FIP1L1: variants seen among roughly 807,000 people sequenced by gnomAD.
The protein encoded by FIP1L1 is pre-mRNA 3'-end-processing factor FIP1.
In FIP1L1, 21 loss-of-function variants were observed where a neutral mutation model predicts 84.6. The ratio of observed to expected loss-of-function variants is 0.25; its 90% confidence interval spans 0.18 to 0.36. FIP1L1 has a LOEUF of 0.36. Ranked by LOEUF, FIP1L1 falls within the 10% of genes least tolerant of loss-of-function variation. The pLI is 1.00. For synonymous variants in FIP1L1, 263 were observed against 242.3 expected, an observed-to-expected ratio of 1.09 and a Z score of -0.80; for missense variants, 526 against 751.1, an observed-to-expected ratio of 0.70 and a Z score of 3.50.
At chr4:53,427,056 A>G (rs1454969740) in intron 12 of FIP1L1, among the ~76,000 whole-genome samples, 1 of 152,226 alleles carries the variant, frequency 6.6e-6, no homozygotes, top group African/African-American at 2.4e-5. Flanking sequence ...AATCATTTCT[A>G]TAGTGGAAGA....
In FIP1L1 at chr4:53,391,167, T is replaced by A. The variant is rs769033257; in HGVS notation, c.636+28T>A. ...AATTAATAAATACTCCGGAATACCC[T>A]TGGCTTGTCTACCGTCCCACTTTTA... On this transcript the variant is annotated intron_variant, in intron 8 of 17. Transcript: ENST00000337488. 3 of 1,583,392 alleles carry A rather than the reference T, an allele frequency of 1.9e-6. No individual in the cohort carries two copies. The Admixed American group carries it at 5.8e-5, about 30-fold the overall frequency.
chr4:53,445,175 A>G (rs1485381067), intron 15 of FIP1L1, among the ~76,000 whole-genome samples: 4 of 152,160 alleles, frequency 2.6e-5, no homozygotes, highest in Admixed American at 6.5e-5. Context: ...GACCTTATTC[A>G]GAGGGCTGTG....
intron 5 of FIP1L1, among the ~76,000 whole-genome samples, chr4:53,389,070 G>A (rs749461072): frequency 3.3e-5 from 5 of 152,034 alleles, no homozygotes; most frequent in Non-Finnish European, 5.9e-5. Flanking sequence ...AACATAATTG[G>A]CATCCTAGAA....
intron 1 of FIP1L1, 186 bp downstream of exon 1, chr4:53,378,109 C>T (rs529097155): frequency 2.7e-5 from 13 of 489,318 alleles, no homozygotes; most frequent in South Asian, 1.2e-4. Flanking sequence ...TCCCGCCTGG[C>T]CCACGCCCAC....
chr4:53,445,995 C>T (rs1326013104), intron 15 of FIP1L1, among the ~76,000 whole-genome samples: 1 of 152,052 alleles, frequency 6.6e-6, no homozygotes, highest in Non-Finnish European at 1.5e-5. Flanking sequence ...TGAATAGACT[C>T]CGAAGGATTT....
chr4:53,382,326 A>G lies in FIP1L1; in HGVS notation c.219A>G (p.Val73=), dbSNP rs1194826119. The G allele has an allele frequency of 6.2e-7, 1 of 1,613,148 alleles. No homozygotes were observed. The highest frequency in any genetic ancestry group is 8.5e-7 in the Non-Finnish European group (1 of 1,179,182). Residue 73 remains valine (V), a synonymous_variant, in exon 4 of 18, where the codon GTA becomes GTG. Coordinates refer to ENST00000337488, the MANE Select transcript of FIP1L1 (RefSeq NM_030917.4). ...GIEDETAENG[V]PKPKVTETED... ...AAGATGAAACTGCTGAAAATGGTGTACCAAAACCGGTAACATAAGGCTTTG... is the reference window on the plus strand; with the variant it reads ...AAGATGAAACTGCTGAAAATGGTGTGCCAAAACCGGTAACATAAGGCTTTG...
chr4:53,460,701 CCA>C lies in FIP1L1; in HGVS notation c.*1256_*1257del. The stretch of plus-strand genomic sequence containing the variant: ...ATGTTGTAGAGTAATGAGAAATCCT[CCA>C]CACTGAAAAAAAACTAGTAGTTTTA... On this transcript the variant is annotated 3_prime_UTR_variant, in exon 18 of 18. Coordinates refer to ENST00000337488, the MANE Select transcript of FIP1L1 (RefSeq NM_030917.4). The C allele has an allele frequency of 3.9e-6, 2 of 514,938 alleles. No homozygotes were observed. The highest frequency in any genetic ancestry group is 6.7e-6 in the Non-Finnish European group (2 of 299,152). The allele number at this position is 514,938 out of a possible 1,614,324, so 31.9% of individuals were successfully genotyped here.
At chr4:53,427,332 A>T (rs1764725045) in intron 12 of FIP1L1, among the ~76,000 whole-genome samples, 1 of 152,108 alleles carries the variant, frequency 6.6e-6, no homozygotes, top group Admixed American at 6.6e-5. Flanking sequence ...AAAAATCCAG[A>T]TTTTGAGGTG....
rs1265653564 is a variant in FIP1L1 at position 53,390,525 on chromosome 4, A to G, written c.402A>G (p.Thr134=). ...TTTTGTAATTTTATAAAACAGGGAC[A>G]AAAGTCAAAGGAGTAGACCTTGATG... ...TGGRVYGTTG[T]KVKGVDLDAP... Residue 134 remains threonine (T), a synonymous_variant, in exon 7 of 18, where the codon ACA becomes ACG. Transcript: ENST00000337488. The G allele has an allele frequency of 2.5e-6, 4 of 1,605,306 alleles. No individual in the cohort carries two copies. Among genetic ancestry groups the G allele is most frequent in the Non-Finnish European group, 3.4e-6 (4 of 1,173,814 alleles).
rs1454698619 is a variant in FIP1L1, at chr4:53,460,637, T to A, written c.*1188T>A. 3.0e-6 allele frequency: 1 copy of A among 338,306 alleles called. No individual in the cohort carries two copies. The highest frequency in any genetic ancestry group is 2.1e-5 in the African/African-American group (1 of 46,564). 21.0% of individuals were successfully genotyped at this position (338,306 alleles called of 1,614,324 possible). On this transcript the variant is annotated 3_prime_UTR_variant, in exon 18 of 18. Transcript: ENST00000337488. The stretch of plus-strand genomic sequence containing the variant: ...AGTGGGGTATACAAATCATTTTAGT[T>A]GTTTTAGGGCTTTTTATTGAATAGA...
At position 53,434,365 on chromosome 4, in the gene FIP1L1, C is replaced by T. The variant is rs531408368; in HGVS notation, c.1174+6182C>T. 2.0e-5 allele frequency among the ~76,000 whole-genome samples: 3 copies of T among 152,128 alleles called. No homozygotes were observed. In the South Asian group the frequency reaches 6.2e-4, roughly 32 times the overall value. ...GCTTAGTAGAAAAAGCTGGTTTCTC[C>T]TGTTTGTTTTCACATTAAATCTATT... is the stretch of plus-strand genomic sequence containing the variant. On this transcript the variant is annotated intron_variant, in intron 13 of 17. Coordinates refer to ENST00000337488, the MANE Select transcript of FIP1L1 (RefSeq NM_030917.4).
chr4:53,423,099 A>T (rs1447147436), intron 11 of FIP1L1, among the ~76,000 whole-genome samples: 10 of 152,152 alleles, frequency 6.6e-5, no homozygotes, highest in South Asian at 4.1e-4. Context: ...GGGAGCCCTC[A>T]GATTCTTTCT....
intron 11 of FIP1L1, among the ~76,000 whole-genome samples, chr4:53,420,216 A>AAC (rs1560540805): frequency 6.8e-6 from 1 of 147,620 alleles, no homozygotes; most frequent in Non-Finnish European, 1.5e-5. Flanking sequence ...AAAAAAAAAA[A>AAC]AAAAAAAAAC....
intron 11 of FIP1L1, among the ~76,000 whole-genome samples, chr4:53,422,154 A>G (rs899694487): frequency 3.3e-5 from 5 of 152,144 alleles, no homozygotes; most frequent in African/African-American, 1.2e-4. Context: ...TGAGATTGCA[A>G]TCCATTAGTG....
At chr4:53,454,110 T>C (rs1717643807) in intron 16 of FIP1L1, among the ~76,000 whole-genome samples, 1 of 152,210 alleles carries the variant, frequency 6.6e-6, no homozygotes, top group Non-Finnish European at 1.5e-5. Context: ...TTTTAAAAAA[T>C]TTTCATCCTG....
chr4:53,407,951 T>A (rs1754659380), intron 10 of FIP1L1, among the ~76,000 whole-genome samples: 1 of 152,236 alleles, frequency 6.6e-6, no homozygotes, highest in South Asian at 2.1e-4. Flanking sequence ...TTTATCCAAT[T>A]TGCCAGTCTG....
chr4:53,383,100 CT>C (rs1170888409), intron 4 of FIP1L1, among the ~76,000 whole-genome samples: 1 of 150,256 alleles, frequency 6.7e-6, no homozygotes. Context: ...CTCTTAGATT[CT>C]TTTTTGCCAA....
At chr4:53,392,816 G>A (rs1744976053) in intron 9 of FIP1L1, among the ~76,000 whole-genome samples, 1 of 152,106 alleles carries the variant, frequency 6.6e-6, no homozygotes, top group Admixed American at 6.6e-5. Flanking sequence ...TTATTTTGAA[G>A]TTTCTTTTGG....
Position 53,412,739 on chromosome 4 carries a change from G to T in FIP1L1, c.816-1876G>T, listed in dbSNP as rs541587063. On this transcript the variant is annotated intron_variant, in intron 10 of 17. Transcript: ENST00000337488. Reference sequence around the variant, plus strand: ...TTGTGATGGTGTCCTTTGGGTTTCTGCACTGCAAAGTTGCTATTTTTTCCT... The same window carrying T: ...TTGTGATGGTGTCCTTTGGGTTTCTTCACTGCAAAGTTGCTATTTTTTCCT... Among the ~76,000 whole-genome samples the T allele has an allele frequency of 2.2e-3, 339 of 152,080 alleles. 4 individuals are homozygous for T. Among genetic ancestry groups the T allele is most frequent in the African/African-American group, 8.0e-3 (332 of 41,516 alleles).
Sources: allele counts gnomAD v4.1 joint callset (sites outside exome capture counted in the v4.1 genomes callset), GRCh38; gene constraint gnomAD v4.1.1; transcripts MANE v1.5; gene names NCBI Gene and HGNC (gene_info 2026-07-23, HGNC 2026-07-21).